PIK3CB: variants seen among roughly 807,000 people sequenced by gnomAD.
The protein encoded by PIK3CB is phosphatidylinositol-4,5-bisphosphate 3-kinase catalytic subunit beta.
A neutral mutation model predicts 136.8 loss-of-function variants in PIK3CB; 39 were observed. The ratio of observed to expected loss-of-function variants is 0.29; its 90% CI spans 0.22 to 0.37. The LOEUF (loss-of-function observed/expected upper bound fraction) is 0.37. PIK3CB is among the 10% of genes least tolerant of loss of function. The pLI is 1.00. For missense variants in PIK3CB, 868 were observed against 1,275.4 expected (o/e 0.68, Z 4.87); for synonymous variants, 428 against 436.6 (o/e 0.98, Z 0.25).
At chr3:138,732,165 C>T (rs2044990797) in intron 8 of PIK3CB, among the ~76,000 whole-genome samples, 1 of 152,162 alleles carries the variant, frequency 6.6e-6, no homozygotes, top group African/African-American at 2.4e-5. Context: ...ACCACACACA[C>T]TTTTCTTTTC....
intron 1 of PIK3CB, chr3:138,826,218 G>C (rs1173238832): frequency 6.9e-7 from 1 of 1,444,402 alleles, no homozygotes; most frequent in Non-Finnish European, 9.6e-7. Flanking sequence ...TCATTTTGCT[G>C]CTCGTGATAT....
rs558228212 is a variant in PIK3CB at position 138,811,240 on chromosome 3, C to CAAA, written c.-121-14676_-121-14674dup. Reference sequence around the variant, plus strand: ...CCTGGGTGACAGAGCAAGACTCTGCCAAAAAAAAAAAAAAAAAAAAAAAAA... The same window carrying CAAA: ...CCTGGGTGACAGAGCAAGACTCTGCCAAAAAAAAAAAAAAAAAAAAAAAAAAAA... On this transcript the variant is annotated intron_variant, in intron 1 of 23. Coordinates refer to ENST00000674063, the MANE Select transcript of PIK3CB (RefSeq NM_006219.3). Among the ~76,000 whole-genome samples the CAAA allele has an allele frequency of 1.2e-3, 27 of 23,436 alleles. 4 individuals are homozygous for CAAA. Among genetic ancestry groups the CAAA allele is most frequent in the Admixed American group, 2.7e-3 (4 of 1,456 alleles). The allele number at this position is 23,436 out of a possible 152,430, so 15.4% of individuals were successfully genotyped here.
At chr3:138,801,837 T>C (rs1170825401) in intron 1 of PIK3CB, among the ~76,000 whole-genome samples, 2 of 122,060 alleles carry the variant, frequency 1.6e-5, no homozygotes, top group Non-Finnish European at 3.2e-5. Context: ...CACTCCAGAC[T>C]GGTGACAGAG....
At chr3:138,832,135 A>G (rs76832784) in intron 1 of PIK3CB, among the ~76,000 whole-genome samples, 2,241 of 152,266 alleles carry the variant, frequency 0.015, 51 homozygotes, top group Middle Eastern at 0.048. Context: ...TACAGTGTTC[A>G]TTTTTCACTT....
chr3:138,720,880 AAAAGAAAAG>A (rs2044711221), intron 8 of PIK3CB, among the ~76,000 whole-genome samples: 1 of 152,166 alleles, frequency 6.6e-6, no homozygotes, highest in Non-Finnish European at 1.5e-5. Context: ...TCAGAAAGAA[AAAAGAAAAG>A]AAAGGAAAGA....
chr3:138,744,392 C>CAAAAAAAAA (rs60503033), intron 4 of PIK3CB, among the ~76,000 whole-genome samples: 7,937 of 45,094 alleles, frequency 0.18, 3,585 homozygotes, highest in Middle Eastern at 0.31. Context: ...GAGACTCCCC[C>CAAAAAAAAA]AAAAAAAAAA....
intron 10 of PIK3CB, among the ~76,000 whole-genome samples, chr3:138,708,920 T>C (rs1403981883): frequency 2.0e-5 from 3 of 152,118 alleles, no homozygotes; most frequent in South Asian, 2.1e-4. Flanking sequence ...TTTAGCCTTG[T>C]TCAAAAGTGA....
Position 138,653,380 on chromosome 3 carries a change from A to G in PIK3CB, c.*2009T>C, listed in dbSNP as rs754465750. The G allele has an allele frequency of 4.0e-5, 7 of 174,992 alleles. No individual in the cohort carries two copies. The highest frequency in any genetic ancestry group is 8.6e-5 in the Non-Finnish European group (7 of 81,134). The allele number at this position is 174,992 out of a possible 1,614,324, so 10.8% of individuals were successfully genotyped here. The stretch of plus-strand genomic sequence containing the variant: ...ACCCTTCAAAGAAAACAGGAAAGAT[A>G]CAATTTGGTGCCCATATGGGAAAAA... On this transcript the variant is annotated 3_prime_UTR_variant, in exon 24 of 24. Coordinates refer to ENST00000674063, the MANE Select transcript of PIK3CB (RefSeq NM_006219.3).
chr3:138,664,476 C>A (rs1291050761), intron 20 of PIK3CB, among the ~76,000 whole-genome samples: 1 of 152,142 alleles, frequency 6.6e-6, no homozygotes. Flanking sequence ...TAGAGATTCC[C>A]TGGAGACAAG....
intron 1 of PIK3CB, among the ~76,000 whole-genome samples, chr3:138,799,592 A>G (rs547080447): frequency 6.6e-6 from 1 of 152,152 alleles, no homozygotes; most frequent in South Asian, 2.1e-4. Context: ...TGAACTACTA[A>G]GACCCTACAT....
At chr3:138,740,112 C>A (rs963146029) in intron 5 of PIK3CB, among the ~76,000 whole-genome samples, 1 of 150,856 alleles carries the variant, frequency 6.6e-6, no homozygotes, top group Non-Finnish European at 1.5e-5. Flanking sequence ...AATCCCAGCA[C>A]CTTGGGAGGC....
Position 138,687,156 on chromosome 3 carries a change from C to T in PIK3CB, c.2136+1719G>A, listed in dbSNP as rs2043912354. ...ACTTTAAGTGTTTCAACACCTTGTC[C>T]TTTTGTAAGTTTATAGTAATAACAA... On this transcript the variant is annotated intron_variant, in intron 16 of 23. Transcript: ENST00000674063. 2.6e-5 allele frequency among the ~76,000 whole-genome samples: 4 copies of T among 151,404 alleles called. No individual in the cohort carries two copies. In the South Asian group the frequency reaches 6.3e-4, roughly 24 times the overall value.
intron 19 of PIK3CB, among the ~76,000 whole-genome samples, chr3:138,678,896 T>C (rs2043703959): frequency 6.6e-6 from 1 of 151,986 alleles, no homozygotes; most frequent in Non-Finnish European, 1.5e-5. Flanking sequence ...TGAAACCTCG[T>C]CTCTACTAAA....
intron 8 of PIK3CB, among the ~76,000 whole-genome samples, chr3:138,729,228 G>A (rs554120921): frequency 6.4e-4 from 96 of 151,072 alleles, no homozygotes; most frequent in African/African-American, 2.1e-3. Flanking sequence ...TTGCAGTGAG[G>A]TGAGATTGCG....
chr3:138,653,955 A>G lies in PIK3CB; in HGVS notation c.*1434T>C, dbSNP rs2043152477. 5.0e-6 allele frequency: 1 copy of G among 198,680 alleles called. No homozygotes were observed. Among genetic ancestry groups the G allele is most frequent in the Non-Finnish European group, 1.0e-5 (1 of 96,144 alleles). The allele number at this position is 198,680 out of a possible 1,614,324, so 12.3% of individuals were successfully genotyped here. The stretch of plus-strand genomic sequence containing the variant: ...GGTTGGTTTGTCTACTGACTTGGCC[A>G]TTTCTTGGAGTTCCAGTGCCAAGTT... On this transcript the variant is annotated 3_prime_UTR_variant, in exon 24 of 24. Transcript: ENST00000674063.
At chr3:138,795,041 C>T (rs969492217) in intron 2 of PIK3CB, among the ~76,000 whole-genome samples, 1 of 151,846 alleles carries the variant, frequency 6.6e-6, no homozygotes, top group African/African-American at 2.4e-5. Flanking sequence ...TTATCTCAGC[C>T]GGGCGCGGTG....
chr3:138,692,035 T>A (rs1180347286), intron 14 of PIK3CB, among the ~76,000 whole-genome samples: 1 of 152,200 alleles, frequency 6.6e-6, no homozygotes, highest in African/African-American at 2.4e-5. Flanking sequence ...GAATTGATCA[T>A]TGAAATAATA....
intron 2 of PIK3CB, among the ~76,000 whole-genome samples, chr3:138,765,194 G>A (rs2045716563): frequency 6.6e-6 from 1 of 152,152 alleles, no homozygotes; most frequent in Admixed American, 6.6e-5. Context: ...ATGGCTGCCT[G>A]TAATCCCAGC....
At chr3:138,679,608 G>C (rs889320068) in intron 19 of PIK3CB, among the ~76,000 whole-genome samples, 1 of 150,306 alleles carries the variant, frequency 6.7e-6, no homozygotes, top group Non-Finnish European at 1.5e-5. Context: ...TTTGAGATTA[G>C]GGTCTCACTT....
Sources: allele counts gnomAD v4.1 joint callset (sites outside exome capture counted in the v4.1 genomes callset), GRCh38; gene constraint gnomAD v4.1.1; transcripts MANE v1.5; gene names NCBI Gene and HGNC (gene_info 2026-07-23, HGNC 2026-07-21).